Variants in ARL17A observed in about 807,000 individuals in gnomAD.
ARL17A encodes ARF like GTPase 17A.
the ARL17A span, among the ~76,000 whole-genome samples, chr17:46,510,977 ACCGTGTAC>A: frequency 8.2e-5 from 3 of 36,390 alleles, no homozygotes; most frequent in African/African-American, 3.8e-4. Context: ...CCTAAGCCAT[ACCGTGTAC>A]CCTAGGTATG....
At chr17:46,534,678 G>C (rs1163410237) in intron 4 of ARL17A, among the ~76,000 whole-genome samples, 1 of 149,800 alleles carries the variant, frequency 6.7e-6, no homozygotes, top group African/African-American at 2.5e-5. Flanking sequence ...AACCACCATC[G>C]TCATCATGGC....
At chr17:46,518,495 T>C (rs2051753948) in intron 3 of ARL17A, among the ~76,000 whole-genome samples, 4 of 119,556 alleles carry the variant, frequency 3.3e-5, no homozygotes. Flanking sequence ...TATAAAATTT[T>C]AATTGCCTTC....
chr17:46,541,701 C>A (rs1353550007), intron 3 of ARL17A, among the ~76,000 whole-genome samples: 1 of 150,754 alleles, frequency 6.6e-6, no homozygotes, highest in Non-Finnish European at 1.5e-5. Flanking sequence ...ATATATAAAA[C>A]AACAATACAA....
At chr17:46,516,064 G>T (rs2144731291), downstream of ARL17A, among the ~76,000 whole-genome samples, 1 of 138,400 alleles carries the variant, frequency 7.2e-6, no homozygotes, top group South Asian at 2.2e-4. Flanking sequence ...ACTTTGGGAG[G>T]CCGAGGCGGG....
At chr17:46,534,529 A>G (rs2054281845) in intron 4 of ARL17A, among the ~76,000 whole-genome samples, 2 of 148,174 alleles carry the variant, frequency 1.3e-5, no homozygotes, top group East Asian at 2.0e-4. Flanking sequence ...GTCATAGATC[A>G]ACAGCATCCC....
intron 3 of ARL17A, among the ~76,000 whole-genome samples, chr17:46,541,771 T>C (rs1243023522): frequency 1.3e-5 from 2 of 150,908 alleles, no homozygotes; most frequent in Non-Finnish European, 2.9e-5. Flanking sequence ...ATTTACACTG[T>C]ATTAGGTACT....
At chr17:46,548,398 G>A (rs560059301), downstream of ARL17A, 26 of 660,812 alleles carry the variant, frequency 3.9e-5, no homozygotes, top group East Asian at 6.0e-5. Context: ...TGAGCTGATT[G>A]TTGAGCCAGA....
At chr17:46,529,250 T>C (rs984096804) in intron 4 of ARL17A, among the ~76,000 whole-genome samples, 3 of 114,816 alleles carry the variant, frequency 2.6e-5, no homozygotes, top group East Asian at 2.1e-4. Context: ...ACCTTTATTC[T>C]GTCCCATTGT....
chr17:46,505,168 G>A, the ARL17A span, among the ~76,000 whole-genome samples: 5 of 89,806 alleles, frequency 5.6e-5, no homozygotes, highest in Admixed American at 3.3e-4. Context: ...TCCTGACCTC[G>A]TGATCTGCCT....
chr17:46,500,814 A>T, the ARL17A span, among the ~76,000 whole-genome samples: 1 of 151,124 alleles, frequency 6.6e-6, no homozygotes, highest in Non-Finnish European at 1.5e-5. Context: ...AGGGGAAATA[A>T]CCTATCAGAT....
At chr17:46,545,156 C>G (rs1401260619) in intron 3 of ARL17A, among the ~76,000 whole-genome samples, 2 of 129,450 alleles carry the variant, frequency 1.5e-5, no homozygotes, top group Admixed American at 7.6e-5. Context: ...ATTTTGCTGG[C>G]TACAGTGGCT....
chr17:46,533,308 A>G (rs2053996430), intron 4 of ARL17A, among the ~76,000 whole-genome samples: 1 of 89,050 alleles, frequency 1.1e-5, no homozygotes, highest in Admixed American at 1.2e-4. Context: ...TCTCAGCTAC[A>G]TCTTAATTTT....
chr17:46,541,306 C>T (rs2055267065), intron 3 of ARL17A, among the ~76,000 whole-genome samples: 1 of 150,018 alleles, frequency 6.7e-6, no homozygotes, highest in South Asian at 2.1e-4. Flanking sequence ...GGCTGCAGTG[C>T]AGCGGCATGA....
At chr17:46,546,034 A>G (rs1368115271) in intron 3 of ARL17A, among the ~76,000 whole-genome samples, 2 of 150,752 alleles carry the variant, frequency 1.3e-5, no homozygotes, top group Non-Finnish European at 3.0e-5. Context: ...TCTAATCCCA[A>G]CCATCTTTAT....
At chr17:46,572,966 C>T (rs2057688386) in intron 2 of ARL17A, among the ~76,000 whole-genome samples, 1 of 92,112 alleles carries the variant, frequency 1.1e-5, no homozygotes, top group East Asian at 3.3e-4. Context: ...AAGGAAAGGA[C>T]AGAAAAGGGA....
rs1292418499 is a variant in ARL17A at position 46,532,826 on chromosome 17, T to C, written c.336-3967A>G. ...AATTTGGTCTTCTGTATTTTTGCAGTGCAGTGGCTCACACCTGTCATCCTA... is the reference window on the plus strand; with the variant it reads ...AATTTGGTCTTCTGTATTTTTGCAGCGCAGTGGCTCACACCTGTCATCCTA... On this transcript the variant is annotated intron_variant, in intron 4 of 4. Coordinates refer to the ARL17A transcript ENST00000329240. 1.3e-5 allele frequency among the ~76,000 whole-genome samples: 2 copies of C among 149,680 alleles called. 1 individual carries two copies. Among genetic ancestry groups the C allele is most frequent in the African/African-American group, 5.1e-5 (2 of 39,446 alleles).
At chr17:46,500,950 C>T in the ARL17A span, among the ~76,000 whole-genome samples, 2 of 151,110 alleles carry the variant, frequency 1.3e-5, no homozygotes, top group Non-Finnish European at 1.5e-5. Context: ...GAGGCTGAAG[C>T]GGGTGGATCA....
At chr17:46,532,308 T>C (rs1392076184) in intron 4 of ARL17A, among the ~76,000 whole-genome samples, 1 of 150,270 alleles carries the variant, frequency 6.7e-6, no homozygotes, top group Admixed American at 6.6e-5. Flanking sequence ...AATACTCCGT[T>C]GAATTTGGTT....
downstream of ARL17A, chr17:46,548,757 CG>C: frequency 1.9e-6 from 3 of 1,610,978 alleles, no homozygotes; most frequent in South Asian, 1.1e-5. Flanking sequence ...AAAAAAGGCT[CG>C]GGAGTCCAGC....
Sources: allele counts gnomAD v4.1 joint callset (sites outside exome capture counted in the v4.1 genomes callset), GRCh38; gene constraint gnomAD v4.1.1; transcripts MANE v1.5; gene names NCBI Gene and HGNC (gene_info 2026-07-23, HGNC 2026-07-21).